ZBTB7C: variants seen among roughly 807,000 people sequenced by gnomAD.
ZBTB7C encodes zinc finger and BTB domain containing 7C, also known as zinc finger and BTB domain-containing protein 7C.
Under a neutral mutation model 25.7 loss-of-function variants are expected in ZBTB7C, and 8 were observed. The ratio of observed to expected loss-of-function variants is 0.31; its 90% CI spans 0.18 to 0.56. ZBTB7C has a LOEUF of 0.56. Among genes scored for constraint, ZBTB7C ranks in the 20% least tolerant of loss-of-function variants. ZBTB7C has a pLI of 0.91. For missense variants in ZBTB7C, 824 were observed against 855.2 expected (o/e 0.96, Z 0.46); for synonymous variants, 394 against 369.0 (o/e 1.07, Z -0.78).
intron 1 of ZBTB7C, among the ~76,000 whole-genome samples, chr18:48,341,308 G>A (rs942744307): frequency 6.6e-6 from 1 of 152,226 alleles, no homozygotes; most frequent in Non-Finnish European, 1.5e-5. Flanking sequence ...AACTGCCAGG[G>A]GCCTGAGGAT....
At chr18:48,088,924 T>C (rs1598855955) in intron 3 of ZBTB7C, among the ~76,000 whole-genome samples, 1 of 152,252 alleles carries the variant, frequency 6.6e-6, no homozygotes, top group East Asian at 1.9e-4. Flanking sequence ...AATGCGAGGC[T>C]GCAGAATTTG....
intron 3 of ZBTB7C, chr18:48,072,391 C>CTTTCA (rs1421674125): frequency 6.6e-6 from 1 of 152,264 alleles, no homozygotes; most frequent in African/African-American, 2.4e-5. Context: ...ATCTCTCACC[C>CTTTCA]TTTCCCCCTT....
chr18:48,318,940 G>T (rs1189212932), intron 2 of ZBTB7C, among the ~76,000 whole-genome samples: 3 of 152,176 alleles, frequency 2.0e-5, no homozygotes, highest in Non-Finnish European at 4.4e-5. Context: ...TAGGTTCTGA[G>T]CCCCCACCCC....
At chr18:48,305,734 A>C (rs1297027843) in intron 2 of ZBTB7C, among the ~76,000 whole-genome samples, 1 of 152,144 alleles carries the variant, frequency 6.6e-6, no homozygotes, top group Non-Finnish European at 1.5e-5. Flanking sequence ...TTCACCCTCC[A>C]TCATGTGTGC....
At position 48,292,154 on chromosome 18, in the gene ZBTB7C, C is replaced by T. The variant is rs181499543; in HGVS notation, c.-79+46020G>A. On this transcript the variant is annotated intron_variant, in intron 2 of 4. Transcript: ENST00000590800. ...CGGAGGTTGCAGTGAGCTGAGATGG[C>T]GCCACTGCACTCCAGCCTGGGTGAC... Among the ~76,000 whole-genome samples the T allele has an allele frequency of 1.3e-4, 19 of 151,812 alleles. No individual in the cohort carries two copies. The East Asian group carries it at 3.3e-3, about 26-fold the overall frequency.
intron 1 of ZBTB7C, among the ~76,000 whole-genome samples, chr18:48,349,119 G>T (rs981712235): frequency 2.0e-4 from 30 of 152,310 alleles, no homozygotes; most frequent in Admixed American, 1.2e-3. Context: ...CTGGCTGGCT[G>T]GTGGCTGGCA....
At chr18:48,408,606 C>T (rs1206653469) in intron 1 of ZBTB7C, 1 of 152,290 alleles carries the variant, frequency 6.6e-6, no homozygotes, top group Non-Finnish European at 1.5e-5. Flanking sequence ...TGGATCCCAG[C>T]CTTTCCAGCT....
At position 48,086,974 on chromosome 18, in the gene ZBTB7C, A is replaced by G. The variant is rs73429556; in HGVS notation, c.-16-45851T>C. Among the ~76,000 whole-genome samples the G allele has an allele frequency of 9.9e-3, 1,509 of 152,304 alleles. 27 individuals carry two copies. Among genetic ancestry groups the G allele is most frequent in the African/African-American group, 0.035 (1,452 of 41,544 alleles). ...GCGCTGTGCTAAAGGGTTAACATAT[A>G]TTGTTTTTCAGTAACTCCTCCCAGC... On this transcript the variant is annotated intron_variant, in intron 3 of 4. Coordinates refer to ENST00000590800, the MANE Select transcript of ZBTB7C (RefSeq NM_001318841.2).
chr18:48,296,415 A>G (rs1189344993), intron 2 of ZBTB7C, among the ~76,000 whole-genome samples: 1 of 152,224 alleles, frequency 6.6e-6, no homozygotes, highest in Non-Finnish European at 1.5e-5. Flanking sequence ...CTAGCATTTC[A>G]AGAGGCTCTT....
At chr18:48,360,819 C>A (rs1003395858) in intron 1 of ZBTB7C, among the ~76,000 whole-genome samples, 1 of 152,112 alleles carries the variant, frequency 6.6e-6, no homozygotes, top group African/African-American at 2.4e-5. Flanking sequence ...AGATAAGATG[C>A]AGCAGCTGGT....
At chr18:48,225,576 G>C (rs1439348884) in intron 2 of ZBTB7C, among the ~76,000 whole-genome samples, 1 of 152,128 alleles carries the variant, frequency 6.6e-6, no homozygotes, top group Middle Eastern at 3.2e-3. Context: ...TCCCCCATGA[G>C]ATGGTAGCAC....
chr18:48,047,022 C>T (rs562620787), intron 3 of ZBTB7C, among the ~76,000 whole-genome samples: 2 of 152,276 alleles, frequency 1.3e-5, no homozygotes, highest in South Asian at 4.1e-4. Flanking sequence ...ACAGATGTAA[C>T]CATGGTAGCT....
intron 2 of ZBTB7C, among the ~76,000 whole-genome samples, chr18:48,267,043 C>T (rs933209836): frequency 6.6e-6 from 1 of 152,156 alleles, no homozygotes; most frequent in Admixed American, 6.5e-5. Flanking sequence ...ATGTTTGTTT[C>T]CATTTTCACT....
intron 3 of ZBTB7C, among the ~76,000 whole-genome samples, chr18:48,179,588 G>A (rs532692963): frequency 1.3e-5 from 2 of 152,234 alleles, no homozygotes; most frequent in South Asian, 2.1e-4. Context: ...AGACCATCTC[G>A]GGAGGGACAG....
chr18:48,210,033 A>C (rs188986078), intron 2 of ZBTB7C, among the ~76,000 whole-genome samples: 14 of 152,364 alleles, frequency 9.2e-5, no homozygotes, highest in Admixed American at 7.2e-4. Flanking sequence ...ATATCTTCAA[A>C]GAAGATATGC....
rs986599269 is a variant in ZBTB7C at position 48,367,216 on chromosome 18, C to T, written c.-303-28818G>A. On this transcript the variant is annotated intron_variant, in intron 1 of 4. Transcript: ENST00000590800. The stretch of plus-strand genomic sequence containing the variant: ...ATATATATATATACACACACACACA[C>T]ACACACACACACACACATACATACA... Among the ~76,000 whole-genome samples, 617 of 67,740 alleles carry T rather than the reference C, an allele frequency of 9.1e-3. 1 individual carries two copies. The highest frequency in any genetic ancestry group is 0.014 in the Non-Finnish European group (406 of 28,374). 44.4% of individuals were successfully genotyped at this position (67,740 alleles called of 152,430 possible).
In ZBTB7C at chr18:48,317,288, C is replaced by G. The variant is rs1477098890; in HGVS notation, c.-79+20886G>C. ...AAAAAAAAAAAAAAAAAAAGACACT[C>G]AAAAAATGTGGCCCTTTCAGCAGGC... On this transcript the variant is annotated intron_variant, in intron 2 of 4. Coordinates refer to ENST00000590800, the MANE Select transcript of ZBTB7C (RefSeq NM_001318841.2). 1.1e-3 allele frequency among the ~76,000 whole-genome samples: 157 copies of G among 143,008 alleles called. 2 individuals carry two copies. The highest frequency in any genetic ancestry group is 3.8e-3 in the African/African-American group (149 of 39,424). 93.8% of individuals were successfully genotyped at this position (143,008 alleles called of 152,430 possible).
intron 3 of ZBTB7C, among the ~76,000 whole-genome samples, chr18:48,089,929 T>C (rs2038349372): frequency 6.6e-6 from 1 of 152,338 alleles, no homozygotes; most frequent in African/African-American, 2.4e-5. Context: ...TGGCCCTTCA[T>C]AGCGTTCCTC....
chr18:48,104,282 A>T (rs973483285), intron 3 of ZBTB7C, among the ~76,000 whole-genome samples: 4 of 152,096 alleles, frequency 2.6e-5, no homozygotes, highest in Non-Finnish European at 4.4e-5. Context: ...TGTTAAAAAG[A>T]GCCTGGTACC....
Sources: gnomAD v4.1 joint callset for allele counts (sites outside exome capture counted in the v4.1 genomes callset) on GRCh38, gnomAD v4.1.1 for gene constraint, MANE v1.5 for transcripts, NCBI Gene and HGNC (gene_info 2026-07-23, HGNC 2026-07-21) for gene names.